Variants in EYS observed in about 807,000 individuals in gnomAD.
The protein encoded by EYS is protein eyes shut homolog.
In EYS, 250 loss-of-function variants were observed where a neutral mutation model predicts 282.1. The ratio of observed to expected loss-of-function variants is 0.89; its 90% CI spans 0.80 to 0.98. The LOEUF (loss-of-function observed/expected upper bound fraction) is 0.98. EYS is among the 50% of genes least tolerant of loss of function. The pLI is 0.00. For synonymous variants in EYS, 1,355 were observed against 1,282.9 expected (o/e 1.06, Z -1.20); for missense variants, 4,016 against 3,709.0 (o/e 1.08, Z -2.15).
At chr6:64,652,219 G>T (rs1768587448) in intron 22 of EYS, among the ~76,000 whole-genome samples, 1 of 152,138 alleles carries the variant, frequency 6.6e-6, no homozygotes, top group African/African-American at 2.4e-5. Flanking sequence ...CTAATATTAT[G>T]AAATGTCACT....
intron 30 of EYS, among the ~76,000 whole-genome samples, chr6:64,252,502 T>C (rs1358284193): frequency 1.3e-5 from 2 of 152,136 alleles, no homozygotes; most frequent in African/African-American, 4.8e-5. Context: ...TGTTAAAATG[T>C]AACCTGTTCA....
intron 29 of EYS, among the ~76,000 whole-genome samples, chr6:64,358,958 A>T (rs1211123089): frequency 6.6e-6 from 1 of 151,710 alleles, no homozygotes; most frequent in Admixed American, 6.6e-5. Context: ...TTCATACAAT[A>T]TCCTATTTTT....
At chr6:64,694,865 G>T (rs2149918152) in intron 22 of EYS, among the ~76,000 whole-genome samples, 1 of 152,208 alleles carries the variant, frequency 6.6e-6, no homozygotes, top group African/African-American at 2.4e-5. Context: ...AAGACAAACT[G>T]CTTGTGACTT....
chr6:65,256,313 C>T (rs1448479553), intron 12 of EYS, among the ~76,000 whole-genome samples: 1 of 134,388 alleles, frequency 7.4e-6, no homozygotes, highest in African/African-American at 3.0e-5. Flanking sequence ...TACATGTGCA[C>T]ATTGTGCAGG....
At chr6:64,459,621 T>C (rs1364642281) in intron 26 of EYS, among the ~76,000 whole-genome samples, 1 of 152,106 alleles carries the variant, frequency 6.6e-6, no homozygotes, top group Non-Finnish European at 1.5e-5. Context: ...GGAAAATCAC[T>C]GGTGTAAGTC....
At chr6:65,671,183 AGATGGTAGTAT>A (rs1487424443) in intron 1 of EYS, among the ~76,000 whole-genome samples, 1 of 151,592 alleles carries the variant, frequency 6.6e-6, no homozygotes, top group East Asian at 1.9e-4. Context: ...TGCAAATGCC[AGATGGTAGTAT>A]GATCATTAAA....
chr6:65,640,431 C>T lies in EYS; in HGVS notation c.-447-539G>A, dbSNP rs568700142. Among the ~76,000 whole-genome samples the T allele has an allele frequency of 2.1e-3, 313 of 150,676 alleles. 1 individual carries two copies. Among genetic ancestry groups the T allele is most frequent in the South Asian group, 3.4e-3 (16 of 4,766 alleles). On this transcript the variant is annotated intron_variant, in intron 1 of 42. Transcript: ENST00000503581. ...TTTCATTAAAAAGAGTTTTTTTTTT[C>T]CTTTAGGAAACTTTTTAATACATAG...
intron 36 of EYS, among the ~76,000 whole-genome samples, chr6:63,831,240 C>A (rs938409235): frequency 6.6e-6 from 1 of 152,096 alleles, no homozygotes; most frequent in Non-Finnish European, 1.5e-5. Flanking sequence ...TGTAAATGGG[C>A]TAAATGCCCC....
intron 31 of EYS, among the ~76,000 whole-genome samples, chr6:64,098,603 CTTTTT>C (rs544031589): frequency 2.1e-5 from 3 of 139,982 alleles, no homozygotes; most frequent in African/African-American, 7.9e-5. Context: ...TTCTTTCTTT[CTTTTT>C]TTTTTTTTTT....
chr6:65,446,217 C>A (rs1018717923), intron 5 of EYS, among the ~76,000 whole-genome samples: 1 of 151,562 alleles, frequency 6.6e-6, no homozygotes. Context: ...GTAATAAACA[C>A]AGAAACAGTA....
intron 41 of EYS, among the ~76,000 whole-genome samples, chr6:63,736,800 C>T (rs1768925037): frequency 6.6e-6 from 1 of 151,346 alleles, no homozygotes; most frequent in Admixed American, 6.6e-5. Context: ...AGAGGTCCTT[C>T]ACGTCCCTTG....
intron 11 of EYS, among the ~76,000 whole-genome samples, chr6:65,317,401 T>C (rs1769322065): frequency 6.6e-6 from 1 of 152,260 alleles, no homozygotes. Flanking sequence ...CTGTTAAATG[T>C]GTAAACAATT....
intron 36 of EYS, among the ~76,000 whole-genome samples, chr6:63,833,851 C>G (rs971214527): frequency 2.0e-5 from 3 of 152,110 alleles, no homozygotes; most frequent in Admixed American, 6.5e-5. Context: ...GCTACTGGTA[C>G]CAAAACAGAG....
chr6:63,999,792 A>C (rs1269432864), intron 33 of EYS, among the ~76,000 whole-genome samples: 1 of 152,230 alleles, frequency 6.6e-6, no homozygotes, highest in Non-Finnish European at 1.5e-5. Context: ...TGAATACACA[A>C]CTGAAAATTT....
chr6:64,890,336 C>G (rs1286676752), intron 18 of EYS, among the ~76,000 whole-genome samples: 1 of 152,098 alleles, frequency 6.6e-6, no homozygotes, highest in African/African-American at 2.4e-5. Context: ...ATGTCTGTAA[C>G]CCACACCTAT....
chr6:65,118,472 A>T (rs1244910753), intron 12 of EYS, among the ~76,000 whole-genome samples: 1 of 152,212 alleles, frequency 6.6e-6, no homozygotes, highest in Admixed American at 6.5e-5. Flanking sequence ...TTGGCTTGCC[A>T]TGAAGAATTA....
At chr6:65,680,255 G>T (rs1768770724) in intron 1 of EYS, among the ~76,000 whole-genome samples, 1 of 151,746 alleles carries the variant, frequency 6.6e-6, no homozygotes, top group Non-Finnish European at 1.5e-5. Flanking sequence ...ACTAATTTCA[G>T]ATCTAGAAAA....
chr6:65,085,950 C>T (rs907479592), intron 12 of EYS, among the ~76,000 whole-genome samples: 7 of 121,926 alleles, frequency 5.7e-5, no homozygotes, highest in Admixed American at 5.6e-4. Context: ...CAAAATTAAT[C>T]TCTCCCTTCT....
chr6:63,973,586 A>T (rs1766692561), intron 35 of EYS, among the ~76,000 whole-genome samples: 1 of 152,132 alleles, frequency 6.6e-6, no homozygotes, highest in African/African-American at 2.4e-5. Context: ...AAAATTTAAA[A>T]CTATATTATA....
Sources: allele counts gnomAD v4.1 joint callset (sites outside exome capture counted in the v4.1 genomes callset), GRCh38; gene constraint gnomAD v4.1.1; transcripts MANE v1.5; gene names NCBI Gene and HGNC (gene_info 2026-07-23, HGNC 2026-07-21).